Variants in KAT14 observed in about 807,000 individuals in gnomAD.
KAT14 encodes lysine acetyltransferase 14, also known as cysteine-rich protein 2-binding protein.
KAT14 carries 66 observed loss-of-function variants against 78.4 expected under a neutral mutation model. The ratio of observed to expected loss-of-function variants is 0.84; its 90% CI spans 0.69 to 1.03. KAT14 has a LOEUF of 1.03. KAT14 is among the 50% of genes least tolerant of loss of function. The pLI is 0.00. For missense variants in KAT14, 870 were observed against 972.5 expected, an observed-to-expected ratio of 0.89 and a Z score of 1.40; for synonymous variants, 344 against 359.4, an observed-to-expected ratio of 0.96 and a Z score of 0.48.
chr20:18,138,251 T>A (rs530281341), intron 1 of KAT14, 200 bp downstream of exon 1: 53 of 1,236,844 alleles, frequency 4.3e-5, no homozygotes, highest in Admixed American at 8.7e-5. Flanking sequence ...CCGGCGGGCG[T>A]GTGCAGCCCG....
At chr20:18,174,884 C>G (rs1021061669) in intron 7 of KAT14, among the ~76,000 whole-genome samples, 4 of 151,968 alleles carry the variant, frequency 2.6e-5, no homozygotes, top group East Asian at 1.9e-4. Flanking sequence ...AGGCTGGTCT[C>G]GAACTCCTGA....
At chr20:18,151,500 T>C (rs13036846) in intron 4 of KAT14, among the ~76,000 whole-genome samples, 49,109 of 151,036 alleles carry the variant, frequency 0.33, 8,405 homozygotes, top group African/African-American at 0.36. Context: ...CCTGGCCTTA[T>C]ATTTTTGTAG....
chr20:18,153,225 G>A (rs2038110521), intron 4 of KAT14, among the ~76,000 whole-genome samples: 1 of 152,124 alleles, frequency 6.6e-6, no homozygotes, highest in African/African-American at 2.4e-5. Flanking sequence ...AGTACGGGAG[G>A]GTAGTCAGAA....
At chr20:18,151,257 C>T (rs796827759) in intron 4 of KAT14, among the ~76,000 whole-genome samples, 15 of 152,154 alleles carry the variant, frequency 9.9e-5, no homozygotes, top group African/African-American at 3.1e-4. Context: ...AGTGCAGTGG[C>T]GTGATCTCGG....
intron 4 of KAT14, among the ~76,000 whole-genome samples, chr20:18,156,730 C>T (rs1280631806): frequency 2.0e-5 from 3 of 152,128 alleles, no homozygotes; most frequent in African/African-American, 7.2e-5. Flanking sequence ...TTGTAGATGA[C>T]GTTCTCCCTG....
intron 2 of KAT14, 187 bp downstream of exon 2, chr20:18,143,106 C>A (rs2037652849): frequency 1.3e-5 from 18 of 1,366,536 alleles, no homozygotes; most frequent in Non-Finnish European, 1.7e-5. Flanking sequence ...GTACTGTCAA[C>A]CTCTATCACA....
Position 18,159,147 on chromosome 20 carries a change from CT to C in KAT14, c.566del (p.Phe189SerfsTer24). ...GCLSVGSPMYFRSGAQEFGEP... is the reference protein window; with the variant it reads ...GCLSVGSPMYXRSGAQEFGEP... ...GCCTCAGCGTGGGAAGTCCCATGTA[CT>C]TCCGTTCAGGTGCTCAGGAATTTGG... On this transcript the variant is annotated frameshift_variant, in exon 5 of 11. Transcript: ENST00000688188. LOFTEE classifies it high-confidence loss of function. 1 of 1,614,104 alleles carries C rather than the reference CT, an allele frequency of 6.2e-7. No individual in the cohort carries two copies. The highest frequency in any genetic ancestry group is 8.5e-7 in the Non-Finnish European group (1 of 1,179,974).
chr20:18,162,272 G>A, intron 6 of KAT14, 33 bp downstream of exon 6: 1 of 1,612,686 alleles, frequency 6.2e-7, no homozygotes, highest in South Asian at 1.1e-5. Flanking sequence ...CTTTTATTTT[G>A]GGTATGGGCC....
chr20:18,153,919 A>G (rs1245117172), intron 4 of KAT14, among the ~76,000 whole-genome samples: 3 of 152,256 alleles, frequency 2.0e-5, no homozygotes, highest in Non-Finnish European at 2.9e-5. Context: ...CATGGCATAT[A>G]ATGGCAAGCC....
At chr20:18,151,720 T>C (rs772380060) in intron 4 of KAT14, among the ~76,000 whole-genome samples, 1 of 151,810 alleles carries the variant, frequency 6.6e-6, no homozygotes, top group Non-Finnish European at 1.5e-5. Context: ...AAAAAAAAAC[T>C]TGGCTGGGCG....
In KAT14 at chr20:18,137,896, T is replaced by G. The variant is rs1028885461; in HGVS notation, c.-609T>G. 2.3e-5 allele frequency: 33 copies of G among 1,433,748 alleles called. 1 individual carries two copies. In the South Asian group the frequency reaches 4.1e-4, roughly 18 times the overall value. The allele number at this position is 1,433,748 out of a possible 1,614,324, so 88.8% of individuals were successfully genotyped here. ...GCAGTACAGGCGGCGGTGCGCACTC[T>G]GCGGCGGCCTCTGCGCCTCGGGCGG... On this transcript the variant is annotated 5_prime_UTR_variant, in exon 1 of 11. Transcript: ENST00000688188.
At chr20:18,174,008 TGA>T (rs2038946982) in intron 7 of KAT14, among the ~76,000 whole-genome samples, 1 of 152,220 alleles carries the variant, frequency 6.6e-6, no homozygotes, top group Admixed American at 6.5e-5. Flanking sequence ...CTACTGCCCA[TGA>T]ATTGACTTTC....
At chr20:18,149,457 A>C (rs191699412) in intron 3 of KAT14, among the ~76,000 whole-genome samples, 1 of 152,316 alleles carries the variant, frequency 6.6e-6, no homozygotes, top group East Asian at 1.9e-4. Context: ...AAATCTGTTC[A>C]TGGGGTTAAT....
chr20:18,162,802 G>C lies in KAT14; in HGVS notation c.1525G>C (p.Asp509His). 1 of 1,614,182 alleles carries C rather than the reference G, an allele frequency of 6.2e-7. No individual in the cohort carries two copies. Among genetic ancestry groups the C allele is most frequent in the Non-Finnish European group, 8.5e-7 (1 of 1,180,030 alleles). ...AAGGGATAGGGGATTACCACTTTTT[G>C]ACTTGGATCAAGTTGTTAATGCTGC... The part of the protein sequence containing the change: ...AKRDRGLPLF[D>H]LDQVVNAALL... Residue 509 changes from aspartate to histidine, a missense_variant, in exon 7 of 11, where the codon GAC becomes CAC. Coordinates refer to ENST00000688188, the MANE Select transcript of KAT14 (RefSeq NM_001392073.1).
rs1221024567 is a variant in KAT14, at chr20:18,142,735, A to G, written c.75A>G (p.Glu25=). The G allele has an allele frequency of 6.2e-7, 1 of 1,614,222 alleles. No individual in the cohort carries two copies. The highest frequency in any genetic ancestry group is 1.1e-5 in the South Asian group (1 of 91,080). ...AAGCCACGAGAACATCGACCTCAGA[A>G]GGACTGGAGGAAGGTGAAGTGGAGG... is the stretch of plus-strand genomic sequence containing the variant. ...DDEATRTSTS[E]GLEEGEVEGE... The change falls in exon 2 of 11, where the codon GAA becomes GAG. Residue 25 remains glutamate, a synonymous_variant. Transcript: ENST00000688188.
At chr20:18,145,820 G>A (rs2037807665) in intron 3 of KAT14, among the ~76,000 whole-genome samples, 1 of 151,986 alleles carries the variant, frequency 6.6e-6, no homozygotes, top group Admixed American at 6.6e-5. Flanking sequence ...TTGGTGAATT[G>A]GGCTTGAGAG....
At position 18,145,300 on chromosome 20, in the gene KAT14, C is replaced by T. The variant is rs1199838963; in HGVS notation, c.327C>T (p.Cys109=). 4.3e-6 allele frequency: 7 copies of T among 1,614,064 alleles called. No individual in the cohort carries two copies. The highest frequency in any genetic ancestry group is 5.9e-6 in the Non-Finnish European group (7 of 1,180,042). The change falls in exon 3 of 11, where the codon TGC becomes TGT. Residue 109 remains cysteine (C), a synonymous_variant. Coordinates refer to ENST00000688188, the MANE Select transcript of KAT14 (RefSeq NM_001392073.1). ...DNFFRFTCSD[C]SADGKEQYER... Reference sequence around the variant, plus strand: ...TTTTTAGGTTTACTTGTTCGGATTGCTCAGCAGATGGCAAGGAGCAGTATG... The same window carrying T: ...TTTTTAGGTTTACTTGTTCGGATTGTTCAGCAGATGGCAAGGAGCAGTATG...
At chr20:18,176,266 A>G (rs2039043434) in intron 7 of KAT14, among the ~76,000 whole-genome samples, 1 of 142,288 alleles carries the variant, frequency 7.0e-6, no homozygotes, top group Non-Finnish European at 1.5e-5. Context: ...ACACCTCTGC[A>G]TTCCAGCTTG....
chr20:18,159,173 G>T lies in KAT14; in HGVS notation c.590G>T (p.Gly197Val), dbSNP rs973127983. 3.7e-5 allele frequency: 59 copies of T among 1,614,050 alleles called. No individual in the cohort carries two copies. The Admixed American group carries it at 5.2e-4, about 14-fold the overall frequency. Residue 197 changes from glycine (G) to valine (V), a missense_variant, in exon 5 of 11, where the codon GGA (glycine) becomes GTA (valine). Coordinates refer to ENST00000688188, the MANE Select transcript of KAT14 (RefSeq NM_001392073.1). Reference sequence around the variant, plus strand: ...TTCCGTTCAGGTGCTCAGGAATTTGGAGAGCCAGGATGGTGGAAACTTGTT... The same window carrying T: ...TTCCGTTCAGGTGCTCAGGAATTTGTAGAGCCAGGATGGTGGAAACTTGTT... ...MYFRSGAQEF[G>V]EPGWWKLVHN...
Sources: gnomAD v4.1 joint callset for allele counts (sites outside exome capture counted in the v4.1 genomes callset) on GRCh38, gnomAD v4.1.1 for gene constraint, MANE v1.5 for transcripts, NCBI Gene and HGNC (gene_info 2026-07-23, HGNC 2026-07-21) for gene names.